Variants in RERG observed in about 807,000 individuals in gnomAD.
RERG encodes RAS like estrogen regulated growth inhibitor.
Under a neutral mutation model 23.2 loss-of-function variants are expected in RERG, and 25 were observed. The ratio of observed to expected loss-of-function variants is 1.08; its 90% CI spans 0.79 to 1.50. RERG has a LOEUF of 1.50. Ranked by LOEUF, RERG falls within the 40% of genes most tolerant of loss-of-function variation. The pLI is 0.00. For missense variants in RERG, 253 were observed against 250.1 expected (o/e 1.01, Z -0.08); for synonymous variants, 81 against 89.1 (o/e 0.91, Z 0.51).
At chr12:15,160,978 T>C (rs1330755965) in intron 2 of RERG, among the ~76,000 whole-genome samples, 2 of 151,800 alleles carry the variant, frequency 1.3e-5, no homozygotes, top group East Asian at 1.9e-4. Context: ...CTACTAAAAA[T>C]ACAAAAATTA....
chr12:15,121,771 C>A (rs1400015109), intron 2 of RERG, among the ~76,000 whole-genome samples: 2 of 152,126 alleles, frequency 1.3e-5, no homozygotes, highest in Non-Finnish European at 1.5e-5. Context: ...GAAACTGAGG[C>A]ACTGTGGGGT....
At chr12:15,207,498 G>A (rs918569818) in intron 2 of RERG, among the ~76,000 whole-genome samples, 1 of 152,100 alleles carries the variant, frequency 6.6e-6, no homozygotes, top group Non-Finnish European at 1.5e-5. Flanking sequence ...AACTCCCCAT[G>A]AGCCAACATT....
intron 1 of RERG, among the ~76,000 whole-genome samples, chr12:15,218,518 C>T (rs1319241632): frequency 6.6e-6 from 1 of 152,088 alleles, no homozygotes; most frequent in Admixed American, 6.6e-5. Context: ...CCTGACTTAC[C>T]ACTTCCAGGT....
chr12:15,129,346 G>A (rs1194815376), intron 2 of RERG, among the ~76,000 whole-genome samples: 2 of 151,438 alleles, frequency 1.3e-5, no homozygotes, highest in Admixed American at 1.3e-4. Context: ...GGGGGGCTCA[G>A]AGCAAAGATG....
rs535768406 is a variant in RERG at position 15,175,925 on chromosome 12, G to A, written c.61+41504C>T. ...TGATTTTCCAGGCTACTGCAGAGATGGGGAAAGAGTGATAACAGGAGATAA... is the reference window on the plus strand; with the variant it reads ...TGATTTTCCAGGCTACTGCAGAGATAGGGAAAGAGTGATAACAGGAGATAA... On this transcript the variant is annotated intron_variant, in intron 2 of 4. Coordinates refer to ENST00000256953, the MANE Select transcript of RERG (RefSeq NM_032918.3). Among the ~76,000 whole-genome samples the A allele has an allele frequency of 7.2e-4, 109 of 152,292 alleles. 1 individual carries two copies. In the South Asian group the frequency reaches 0.022, roughly 31 times the overall value.
chr12:15,135,837 T>C (rs1864135559), intron 2 of RERG, among the ~76,000 whole-genome samples: 1 of 152,178 alleles, frequency 6.6e-6, no homozygotes. Flanking sequence ...TTTATGTTCA[T>C]GTGCCTTATT....
intron 2 of RERG, among the ~76,000 whole-genome samples, chr12:15,170,139 T>G (rs1272781701): frequency 3.3e-5 from 5 of 149,462 alleles, no homozygotes; most frequent in Non-Finnish European, 7.4e-5. Context: ...TGAATAAAAC[T>G]TAAGACTATT....
intron 2 of RERG, among the ~76,000 whole-genome samples, chr12:15,157,130 G>A (rs715398): frequency 1.2e-4 from 18 of 151,920 alleles, no homozygotes; most frequent in African/African-American, 3.1e-4. Context: ...TTTTTCATTC[G>A]GCATTGCAGG....
At chr12:15,118,468 T>C (rs1350216774) in intron 3 of RERG, among the ~76,000 whole-genome samples, 1 of 152,218 alleles carries the variant, frequency 6.6e-6, no homozygotes, top group Non-Finnish European at 1.5e-5. Flanking sequence ...GGCTTTTTAA[T>C]GTAGTTATCT....
Position 15,109,337 on chromosome 12 carries a change from A to T in RERG, c.373T>A (p.Ser125Thr). 6.2e-7 allele frequency: 1 copy of T among 1,614,092 alleles called. No individual in the cohort carries two copies. The highest frequency in any genetic ancestry group is 8.5e-7 in the Non-Finnish European group (1 of 1,180,010). The change falls in exon 5 of 5, where the codon TCC (serine) becomes ACC (threonine). Residue 125 changes from serine (S) to threonine (T), a missense_variant. Ser to Thr is a moderately conservative substitution (Grantham distance 58, BLOSUM62 1). Coordinates refer to ENST00000256953, the MANE Select transcript of RERG (RefSeq NM_032918.3). ...CCTTCTTCTGTGCTAACCTGCCTGGAGTGGTCCAAGTCAGCTTTGTTTCCA... is the reference window on the plus strand; with the variant it reads ...CCTTCTTCTGTGCTAACCTGCCTGGTGTGGTCCAAGTCAGCTTTGTTTCCA... ...LVGNKADLDH[S>T]RQVSTEEGEK...
chr12:15,166,759 A>G (rs961961875), intron 2 of RERG, among the ~76,000 whole-genome samples: 3 of 150,880 alleles, frequency 2.0e-5, no homozygotes, highest in African/African-American at 4.9e-5. Context: ...TGCCTGACAA[A>G]CGGATGGACT....
At chr12:15,126,763 C>T (rs1424689928) in intron 2 of RERG, among the ~76,000 whole-genome samples, 1 of 137,424 alleles carries the variant, frequency 7.3e-6, no homozygotes, top group Admixed American at 8.2e-5. Context: ...CGCTCTGTCG[C>T]CCAGGCTGGA....
At chr12:15,136,582 T>A (rs1864148165) in intron 2 of RERG, among the ~76,000 whole-genome samples, 2 of 152,038 alleles carry the variant, frequency 1.3e-5, no homozygotes, top group Non-Finnish European at 2.9e-5. Context: ...ATGACACAAA[T>A]TTTGATAAGT....
intron 2 of RERG, among the ~76,000 whole-genome samples, chr12:15,165,854 T>C (rs1864678984): frequency 6.6e-6 from 1 of 152,194 alleles, no homozygotes. Flanking sequence ...GATCTTATCC[T>C]CTCCAACTCT....
At chr12:15,171,360 G>A (rs1360513644) in intron 2 of RERG, among the ~76,000 whole-genome samples, 1 of 152,194 alleles carries the variant, frequency 6.6e-6, no homozygotes, top group Non-Finnish European at 1.5e-5. Context: ...TTGAATAAAT[G>A]ATTTAATTAA....
rs1555120854 is a variant in RERG at position 15,126,157 on chromosome 12, T to TATATATATATATATATA, written c.62-5039_62-5038insTATATATATATATATAT. Among the ~76,000 whole-genome samples the TATATATATATATATATA allele has an allele frequency of 5.2e-4, 29 of 55,444 alleles. 3 individuals are homozygous for TATATATATATATATATA. The highest frequency in any genetic ancestry group is 1.0e-3 in the African/African-American group (19 of 18,416). 36.4% of individuals were successfully genotyped at this position (55,444 alleles called of 152,430 possible). ...TATATATATATATATATATATGTATTTACACACATACATTTTTACATATAT... is the reference window on the plus strand; with the variant it reads ...TATATATATATATATATATATGTATTATATATATATATATATATACACACATACATTTTTACATATAT... On this transcript the variant is annotated intron_variant, in intron 2 of 4. Transcript: ENST00000256953.
intron 2 of RERG, chr12:15,137,699 T>C (rs1864167307): frequency 3.2e-6 from 1 of 313,486 alleles, no homozygotes; most frequent in Non-Finnish European, 6.2e-6. Flanking sequence ...CTCCTGTCCA[T>C]TGTATCTTCG....
rs991669270 is a variant in RERG, at chr12:15,217,571, A to G, written c.-82T>C. The G allele has an allele frequency of 5.1e-6, 5 of 981,740 alleles. No homozygotes were observed. In the Admixed American group the frequency reaches 5.2e-5, roughly 10 times the overall value. The allele number at this position is 981,740 out of a possible 1,614,324, so 60.8% of individuals were successfully genotyped here. A position where few individuals can be genotyped will look rare whatever the true frequency, so the allele number is the denominator to read the frequency against. ...TTTGGTTCCAGTCTTTGGATTCACC[A>G]TATCATTGTGAATCTTGGAAGAGTC... On this transcript the variant is annotated 5_prime_UTR_variant, in exon 2 of 5. An upstream start codon of the reference 5' UTR is lost. Coordinates refer to ENST00000256953, the MANE Select transcript of RERG (RefSeq NM_032918.3).
At chr12:15,164,904 G>A (rs1336644915) in intron 2 of RERG, among the ~76,000 whole-genome samples, 1 of 152,196 alleles carries the variant, frequency 6.6e-6, no homozygotes, top group Admixed American at 6.5e-5. Flanking sequence ...TTCCAGTGGA[G>A]CACTCTCTTC....
Sources: allele counts gnomAD v4.1 joint callset (sites outside exome capture counted in the v4.1 genomes callset), GRCh38; gene constraint gnomAD v4.1.1; transcripts MANE v1.5; gene names NCBI Gene and HGNC (gene_info 2026-07-23, HGNC 2026-07-21).